Variants in PTGR1 observed in about 807,000 individuals in gnomAD.
PTGR1 encodes 15-oxoprostaglandin 13-reductase.
PTGR1 carries 23 observed loss-of-function variants against 37.7 expected under a neutral mutation model. The observed-to-expected ratio is 0.61, with a 90% confidence interval of 0.44 to 0.86. The LOEUF (loss-of-function observed/expected upper bound fraction) is 0.86, where lower values mean the gene tolerates loss of function less well. Ranked by LOEUF, PTGR1 falls within the 40% of genes least tolerant of loss-of-function variation. The probability of loss-of-function intolerance (pLI) is 0.00; values close to 1 mark genes in which losing one functional copy is unlikely to be tolerated. For synonymous variants in PTGR1, 134 were observed against 140.0 expected (o/e 0.96, Z 0.30); for missense variants, 351 against 394.3 (o/e 0.89, Z 0.93).
intron 9 of PTGR1, among the ~76,000 whole-genome samples, chr9:111,557,377 T>TAA (rs201364819): frequency 1.1e-4 from 16 of 144,130 alleles, no homozygotes; most frequent in South Asian, 6.6e-4. Context: ...CCATCTCCAG[T>TAA]AAAAAAAAAA....
chr9:111,558,937 C>T (rs1252937070), downstream of PTGR1, among the ~76,000 whole-genome samples: 1 of 152,154 alleles, frequency 6.6e-6, no homozygotes, highest in Non-Finnish European at 1.5e-5. Context: ...TAACCATCTT[C>T]TATCACCACC....
At chr9:111,561,110 T>TAG (rs1159365134), downstream of PTGR1, among the ~76,000 whole-genome samples, 306 of 19,182 alleles carry the variant, frequency 0.016, 32 homozygotes, top group Admixed American at 0.051. Flanking sequence ...TATATATATA[T>TAG]AGAGAGAGAG....
intron 3 of PTGR1, among the ~76,000 whole-genome samples, chr9:111,593,616 A>G (rs1437018273): frequency 6.6e-6 from 1 of 152,234 alleles, no homozygotes; most frequent in Non-Finnish European, 1.5e-5. Context: ...TAGTCTTAGC[A>G]TCTTCCTCTA....
chr9:111,589,372 A>G, intron 4 of PTGR1: 1 of 889,784 alleles, frequency 1.1e-6, no homozygotes, highest in Non-Finnish European at 1.3e-6. Flanking sequence ...CAATGGTATT[A>G]TAATAACTGG....
chr9:111,590,607 C>T (rs1276318651), intron 4 of PTGR1, among the ~76,000 whole-genome samples: 1 of 152,232 alleles, frequency 6.6e-6, no homozygotes, highest in African/African-American at 2.4e-5. Flanking sequence ...GATCCTCCTG[C>T]TTCAGCCTCC....
At chr9:111,575,211 A>G (rs1829007507) in intron 7 of PTGR1, 1 of 161,764 alleles carries the variant, frequency 6.2e-6, no homozygotes, top group Non-Finnish European at 1.3e-5. Context: ...CTGAGGCAGG[A>G]GAACTGCTTG....
intron 4 of PTGR1, among the ~76,000 whole-genome samples, chr9:111,591,370 C>CT (rs756079285): frequency 0.012 from 1,440 of 122,046 alleles, 23 homozygotes; most frequent in African/African-American, 0.018. Context: ...TTTTCTTTTT[C>CT]TTTTTTTTTT....
downstream of PTGR1, among the ~76,000 whole-genome samples, chr9:111,561,873 T>TTTTTGTTTTG (rs545283246): frequency 1.7e-4 from 26 of 152,248 alleles, 1 homozygote; most frequent in Admixed American, 3.9e-4. Context: ...TGCTGTTGTT[T>TTTTTGTTTTG]TTTTGTTTTG....
At chr9:111,589,700 C>T (rs1441556837) in intron 4 of PTGR1, among the ~76,000 whole-genome samples, 4 of 151,900 alleles carry the variant, frequency 2.6e-5, no homozygotes, top group East Asian at 3.9e-4. Flanking sequence ...TGCAATGGCG[C>T]GATCTCTGCT....
chr9:111,570,053 A>C (rs1230175494), intron 9 of PTGR1, 38 bp downstream of exon 9: 2 of 1,612,702 alleles, frequency 1.2e-6, no homozygotes. Context: ...AGTGTGACCT[A>C]GTGTACAATT....
chr9:111,579,122 C>A lies in PTGR1; in HGVS notation c.496-171G>T, dbSNP rs113851234. ...AACAGATCCCATAGGTGAAATCAGT[C>A]CCCGGACCATCCTACAACTCAGCTT... is the stretch of plus-strand genomic sequence containing the variant. On this transcript the variant is annotated intron_variant, in intron 6 of 9. Coordinates refer to ENST00000407693, the MANE Select transcript of PTGR1 (RefSeq NM_001146108.2). Among the ~76,000 whole-genome samples the A allele has an allele frequency of 4.0e-3, 609 of 151,570 alleles. 5 individuals are homozygous for A. The highest frequency in any genetic ancestry group is 0.014 in the African/African-American group (586 of 41,282).
At position 111,588,288 on chromosome 9, in the gene PTGR1, C is replaced by T. The variant is rs562205612; in HGVS notation, c.210-2123G>A. ...CTCAGCTCACTGCAAGCTCCGCCTCCCCGGTTCACACCATTGTCCTGCCTC... is the reference window on the plus strand; with the variant it reads ...CTCAGCTCACTGCAAGCTCCGCCTCTCCGGTTCACACCATTGTCCTGCCTC... On this transcript the variant is annotated intron_variant, in intron 4 of 9. Coordinates refer to ENST00000407693, the MANE Select transcript of PTGR1 (RefSeq NM_001146108.2). Among the ~76,000 whole-genome samples, 8 of 151,826 alleles carry T rather than the reference C, an allele frequency of 5.3e-5. No homozygotes were observed. In the South Asian group the frequency reaches 8.3e-4, roughly 16 times the overall value.
chr9:111,576,380 T>C (rs762468847), intron 7 of PTGR1: 2 of 1,614,116 alleles, frequency 1.2e-6, no homozygotes, highest in South Asian at 1.1e-5. Context: ...CATGGAGCAG[T>C]AAAAAAGATG....
At chr9:111,583,678 C>T (rs758242441) in intron 5 of PTGR1, 89 bp from the exon 6 acceptor site, 96 of 1,057,732 alleles carry the variant, frequency 9.1e-5, no homozygotes, top group Non-Finnish European at 1.3e-4. Context: ...TTCTCAGTGG[C>T]CCAGTGCCAT....
At chr9:111,566,971 C>T (rs1374318843) in intron 9 of PTGR1, among the ~76,000 whole-genome samples, 1 of 151,910 alleles carries the variant, frequency 6.6e-6, no homozygotes, top group East Asian at 1.9e-4. Context: ...TGACTGTTGT[C>T]CCAGCTACTC....
At chr9:111,596,926 C>CATAA (rs1829798910) in intron 2 of PTGR1, among the ~76,000 whole-genome samples, 1 of 90,662 alleles carries the variant, frequency 1.1e-5, no homozygotes, top group Non-Finnish European at 2.0e-5. Flanking sequence ...GACTCTGTCT[C>CATAA]AAAAAAAAAA....
At chr9:111,589,914 C>T (rs1010953606) in intron 4 of PTGR1, among the ~76,000 whole-genome samples, 6 of 152,274 alleles carry the variant, frequency 3.9e-5, no homozygotes, top group African/African-American at 9.6e-5. Context: ...GGATTGCAAG[C>T]GTGAGCCACT....
At chr9:111,574,922 T>C in intron 7 of PTGR1, 80 bp from the exon 8 acceptor site, 1 of 1,104,832 alleles carries the variant, frequency 9.1e-7, no homozygotes, top group Non-Finnish European at 1.3e-6. Flanking sequence ...CAAGCATTAT[T>C]TTACAATACC....
intron 6 of PTGR1, among the ~76,000 whole-genome samples, chr9:111,579,840 C>T (rs1829221410): frequency 6.6e-6 from 1 of 152,200 alleles, no homozygotes; most frequent in Non-Finnish European, 1.5e-5. Context: ...CTGAAAAGCA[C>T]TTTCAGGATG....
Sources: allele counts gnomAD v4.1 joint callset (sites outside exome capture counted in the v4.1 genomes callset), GRCh38; gene constraint gnomAD v4.1.1; transcripts MANE v1.5; gene names NCBI Gene and HGNC (gene_info 2026-07-23, HGNC 2026-07-21).